The following ANO6 variants were observed in gnomAD, a reference collection of about 807,000 sequenced individuals.
ANO6 encodes anoctamin-6.
A neutral mutation model predicts 117.5 loss-of-function variants in ANO6; 106 were observed. The ratio of observed to expected loss-of-function variants is 0.90; its 90% CI spans 0.77 to 1.06. The LOEUF (loss-of-function observed/expected upper bound fraction) is 1.06, where lower values mean the gene tolerates loss of function less well. Among genes scored for constraint, ANO6 ranks in the 50% least tolerant of loss-of-function variants. ANO6 has a pLI of 0.00. For missense variants in ANO6, 955 were observed against 1,121.1 expected (o/e 0.85, Z 2.12); for synonymous variants, 367 against 385.1 (o/e 0.95, Z 0.55).
intron 1 of ANO6, among the ~76,000 whole-genome samples, chr12:45,265,169 C>G (rs1009068954): frequency 4.6e-5 from 7 of 152,154 alleles, no homozygotes; most frequent in Non-Finnish European, 8.8e-5. Flanking sequence ...TGGCATTAAT[C>G]TGTATAGTGA....
chr12:45,297,601 T>C (rs1939337272), intron 1 of ANO6, among the ~76,000 whole-genome samples: 1 of 152,328 alleles, frequency 6.6e-6, no homozygotes, highest in East Asian at 1.9e-4. Flanking sequence ...TTAATATGAC[T>C]GGGCCTCTAG....
intron 3 of ANO6, among the ~76,000 whole-genome samples, chr12:45,338,447 G>A (rs1260598096): frequency 1.3e-5 from 2 of 152,096 alleles, no homozygotes; most frequent in Admixed American, 1.3e-4. Flanking sequence ...TGAGCCTCAT[G>A]TTAAGATAGG....
exon 20 of ANO6, chr12:45,440,079 A>G (rs549956090): frequency 1.1e-5 from 10 of 880,428 alleles, no homozygotes; most frequent in Non-Finnish European, 1.5e-5. Flanking sequence ...TTTCCTCTAA[A>G]TCGTATTTGA....
chr12:45,404,203 A>G lies in ANO6; in HGVS notation c.1880+667A>G, dbSNP rs76560120. On this transcript the variant is annotated intron_variant, in intron 15 of 19. Transcript: ENST00000320560. ...TTTTAAGAAATAATTGTCTAAAATAATAATCACAAAGGCTTTGACTTACTG... is the reference window on the plus strand; with the variant it reads ...TTTTAAGAAATAATTGTCTAAAATAGTAATCACAAAGGCTTTGACTTACTG... Among the ~76,000 whole-genome samples the G allele has an allele frequency of 6.3e-3, 953 of 152,298 alleles. 15 individuals are homozygous for G. The highest frequency in any genetic ancestry group is 0.022 in the African/African-American group (906 of 41,570).
chr12:45,267,807 T>C (rs1592896527), intron 1 of ANO6, among the ~76,000 whole-genome samples: 1 of 151,234 alleles, frequency 6.6e-6, no homozygotes, highest in Non-Finnish European at 1.5e-5. Flanking sequence ...AAATAGCACT[T>C]ACTTGTTGTA....
chr12:45,386,371 T>C (rs1184123920), intron 10 of ANO6, among the ~76,000 whole-genome samples: 2 of 152,240 alleles, frequency 1.3e-5, no homozygotes, highest in Non-Finnish European at 2.9e-5. Context: ...CATCTGATCA[T>C]AACCAAACCA....
At chr12:45,239,414 A>G (rs984752633) in intron 1 of ANO6, among the ~76,000 whole-genome samples, 3 of 151,932 alleles carry the variant, frequency 2.0e-5, no homozygotes, top group East Asian at 1.9e-4. Context: ...TATTGCATCT[A>G]TTTGATTCTT....
chr12:45,402,109 C>A, intron 13 of ANO6, 89 bp downstream of exon 13: 1 of 1,130,104 alleles, frequency 8.8e-7, no homozygotes, highest in Non-Finnish European at 1.3e-6. Flanking sequence ...CGTTTCAATT[C>A]CAGTAGGTTA....
intron 1 of ANO6, among the ~76,000 whole-genome samples, chr12:45,296,805 A>G (rs1939309967): frequency 6.6e-6 from 1 of 152,190 alleles, no homozygotes; most frequent in Non-Finnish European, 1.5e-5. Flanking sequence ...TTCATCTGTG[A>G]AAACGAGGGA....
chr12:45,317,072 G>A (rs1300877347), intron 2 of ANO6, among the ~76,000 whole-genome samples: 1 of 127,230 alleles, frequency 7.9e-6, no homozygotes, highest in African/African-American at 2.7e-5. Flanking sequence ...TATACATTTT[G>A]CAGATCTCTT....
At chr12:45,362,867 A>G (rs1257530187) in intron 8 of ANO6, among the ~76,000 whole-genome samples, 1 of 152,242 alleles carries the variant, frequency 6.6e-6, no homozygotes, top group Non-Finnish European at 1.5e-5. Flanking sequence ...AACTTAATGC[A>G]TTATAAGCTT....
chr12:45,263,560 T>C (rs187553242), intron 1 of ANO6, among the ~76,000 whole-genome samples: 95 of 152,178 alleles, frequency 6.2e-4, no homozygotes, highest in Non-Finnish European at 1.2e-3. Flanking sequence ...TGTGCTATTC[T>C]CAAGGTTAGG....
At chr12:45,248,418 A>C (rs557222648) in intron 1 of ANO6, among the ~76,000 whole-genome samples, 135 of 151,522 alleles carry the variant, frequency 8.9e-4, no homozygotes, top group Non-Finnish European at 1.1e-3. Context: ...TATATTTTAT[A>C]AAAAGTAGAC....
intron 1 of ANO6, among the ~76,000 whole-genome samples, chr12:45,234,434 A>G (rs1947616858): frequency 6.6e-6 from 1 of 152,148 alleles, no homozygotes; most frequent in Non-Finnish European, 1.5e-5. Context: ...AATATTGCAA[A>G]CAGATATTGT....
At chr12:45,436,288 T>A (rs1199414125), downstream of ANO6, among the ~76,000 whole-genome samples, 1 of 152,214 alleles carries the variant, frequency 6.6e-6, no homozygotes, top group African/African-American at 2.4e-5. Flanking sequence ...CCTACTCCTC[T>A]GCCTGCCTTT....
At chr12:45,226,976 A>G (rs1268664771) in intron 1 of ANO6, among the ~76,000 whole-genome samples, 2 of 148,280 alleles carry the variant, frequency 1.3e-5, no homozygotes, top group Non-Finnish European at 3.0e-5. Flanking sequence ...AACAAAAATT[A>G]TCATTTTCTT....
At chr12:45,275,272 G>A (rs374030524) in intron 1 of ANO6, among the ~76,000 whole-genome samples, 5 of 152,082 alleles carry the variant, frequency 3.3e-5, no homozygotes, top group Admixed American at 6.5e-5. Flanking sequence ...GTGCAGTAGC[G>A]CCATCTCGGC....
At chr12:45,242,699 G>A (rs540095807) in intron 1 of ANO6, among the ~76,000 whole-genome samples, 4 of 152,286 alleles carry the variant, frequency 2.6e-5, no homozygotes, top group South Asian at 2.1e-4. Flanking sequence ...CTATTCGGCC[G>A]TCTTGGAACA....
intron 16 of ANO6, among the ~76,000 whole-genome samples, chr12:45,411,715 ACT>A (rs150715086): frequency 2.2e-4 from 33 of 152,030 alleles, no homozygotes; most frequent in Non-Finnish European, 3.2e-4. Flanking sequence ...CCCAGGCTCA[ACT>A]CTCTTTCCTT....
Sources: gnomAD v4.1 joint callset for allele counts (sites outside exome capture counted in the v4.1 genomes callset) on GRCh38, gnomAD v4.1.1 for gene constraint, MANE v1.5 for transcripts, NCBI Gene and HGNC (gene_info 2026-07-23, HGNC 2026-07-21) for gene names.